The following CFAP45 variants were observed in gnomAD, a reference collection of about 807,000 sequenced individuals.
The protein encoded by CFAP45 is cilia- and flagella-associated protein 45.
CFAP45 carries 43 observed loss-of-function variants against 75.6 expected under a neutral mutation model. That is an observed-to-expected ratio of 0.57 (90% CI 0.45 to 0.73). CFAP45 has a LOEUF of 0.73. CFAP45 is among the 30% of genes least tolerant of loss of function. The pLI is 0.00. For missense variants in CFAP45, 689 were observed against 701.5 expected, an observed-to-expected ratio of 0.98 and a Z score of 0.20; for synonymous variants, 223 against 244.6, an observed-to-expected ratio of 0.91 and a Z score of 0.82.
rs1318093580 is a variant in CFAP45 at position 159,888,491 on chromosome 1, G to A, written c.278C>T (p.Pro93Leu). The change falls in exon 4 of 12, where the codon CCC (proline) becomes CTC (leucine). Residue 93 changes from proline (P) to leucine (L), a missense_variant. By Grantham distance (98) the Pro-to-Leu change is moderately conservative. Transcript: ENST00000368099. ...TRDMVRELIV[P>L]TEDPSGESLI... ...GGACTCCCCGGAGGGATCCTCTGTGGGAACACTGTCACAAGAATAAACAGA... is the reference window on the plus strand; with the variant it reads ...GGACTCCCCGGAGGGATCCTCTGTGAGAACACTGTCACAAGAATAAACAGA... The A allele has an allele frequency of 3.2e-6, 5 of 1,582,050 alleles. No homozygotes were observed. The highest frequency in any genetic ancestry group is 1.7e-5 in the Admixed American group (1 of 58,988).
At position 159,895,115 on chromosome 1, in the gene CFAP45, C is replaced by T. The variant is rs190577486; in HGVS notation, c.4-1810G>A. Among the ~76,000 whole-genome samples the T allele has an allele frequency of 7.2e-4, 109 of 152,300 alleles. 1 individual carries two copies. Among genetic ancestry groups the T allele is most frequent in the African/African-American group, 2.3e-3 (95 of 41,558 alleles). Reference sequence around the variant, plus strand: ...CTGTTGCTTGTAACTAAGAATCTGACGAACACAACCTCCATTCCCAAAGGA... The same window carrying T: ...CTGTTGCTTGTAACTAAGAATCTGATGAACACAACCTCCATTCCCAAAGGA... On this transcript the variant is annotated intron_variant, in intron 1 of 11. Coordinates refer to ENST00000368099, the MANE Select transcript of CFAP45 (RefSeq NM_012337.3).
intron 10 of CFAP45, 66 bp from the exon 11 acceptor site, chr1:159,873,234 G>A (rs888539150): frequency 7.0e-7 from 1 of 1,423,484 alleles, no homozygotes; most frequent in Non-Finnish European, 9.8e-7. Flanking sequence ...AAGGTGGTGG[G>A]GGAGCCTCCT....
chr1:159,878,417 C>T (rs755630615), intron 8 of CFAP45, among the ~76,000 whole-genome samples: 1 of 152,062 alleles, frequency 6.6e-6, no homozygotes, highest in African/African-American at 2.4e-5. Flanking sequence ...CTTGAGCAAT[C>T]GTAAGATGAA....
chr1:159,887,396 C>T (rs184463439), intron 5 of CFAP45, among the ~76,000 whole-genome samples: 1 of 152,358 alleles, frequency 6.6e-6, no homozygotes, highest in East Asian at 1.9e-4. Flanking sequence ...TCTTTAGGCT[C>T]TCAGCCAAAG....
intron 10 of CFAP45, chr1:159,876,293 T>TTATAAATAAATTTA (rs1259343625): frequency 3.7e-6 from 2 of 534,420 alleles, no homozygotes; most frequent in Non-Finnish European, 3.4e-6. Flanking sequence ...ATTTATACTT[T>TTATAAATAAATTTA]TACTGTTCCA....
intron 3 of CFAP45, among the ~76,000 whole-genome samples, chr1:159,889,535 G>A (rs537845748): frequency 5.9e-5 from 9 of 152,186 alleles, no homozygotes; most frequent in Admixed American, 3.3e-4. Context: ...GCAGTGATCC[G>A]AATCTAAGAC....
chr1:159,881,969 TCAGCC>T (rs1223714946), intron 7 of CFAP45, among the ~76,000 whole-genome samples: 1 of 152,240 alleles, frequency 6.6e-6, no homozygotes, highest in Non-Finnish European at 1.5e-5. Flanking sequence ...CAGGTCTTCC[TCAGCC>T]CAGCTGCTGC....
At chr1:159,887,438 T>C (rs1179125073) in intron 5 of CFAP45, among the ~76,000 whole-genome samples, 1 of 152,200 alleles carries the variant, frequency 6.6e-6, no homozygotes, top group Non-Finnish European at 1.5e-5. Flanking sequence ...AAGCATCCAA[T>C]TGCCTCGACC....
At position 159,876,603 on chromosome 1, in the gene CFAP45, C is replaced by G; in HGVS notation, c.1305G>C (p.Leu435=). ...CCCGGTCCCGTTGCACCTGAACAGC[C>G]AGAGCGTGCTCCTTGAAAGCCACCT... ...LEQVAFKEHA[L]AVQVQRDRDE... Residue 435 remains leucine (L), a synonymous_variant, in exon 10 of 12, where the codon CTG becomes CTC. Coordinates refer to ENST00000368099, the MANE Select transcript of CFAP45 (RefSeq NM_012337.3). 4.3e-6 allele frequency: 7 copies of G among 1,614,226 alleles called. No homozygotes were observed. Among genetic ancestry groups the G allele is most frequent in the Non-Finnish European group, 5.9e-6 (7 of 1,180,024 alleles).
At position 159,893,280 on chromosome 1, in the gene CFAP45, C is replaced by T; in HGVS notation, c.29G>A (p.Ser10Asn). The T allele has an allele frequency of 6.2e-7, 1 of 1,613,576 alleles. No individual in the cohort carries two copies. Among genetic ancestry groups the T allele is most frequent in the Non-Finnish European group, 8.5e-7 (1 of 1,179,936 alleles). Reference sequence around the variant, plus strand: ...CCTGTTGGAAGCGGCAGAAGAGGAGCTCAGGATGCCAGCTGTGCTTAGTGG... The same window carrying T: ...CCTGTTGGAAGCGGCAGAAGAGGAGTTCAGGATGCCAGCTGTGCTTAGTGG... Reference protein sequence around the residue: MPLSTAGILSSSSAASNRSR... With the variant: MPLSTAGILNSSSAASNRSR... The change falls in exon 2 of 12, where the codon AGC becomes AAC. Residue 10 changes from serine to asparagine, a missense_variant. Physicochemically the swap from Ser to Asn is conservative, Grantham distance 46. Transcript: ENST00000368099.
rs1163050562 is a variant in CFAP45, at chr1:159,884,480, G to T, written c.853C>A (p.Gln285Lys). ...AGCTGTTCCATATATTCCAGCATCT[G>T]CTCCTTCTCCTGCTCCCGCTGCTCA... The part of the protein sequence containing the change: ...LAEQREQEKE[Q>K]MLEYMEQLQE... Residue 285 changes from glutamine (Q) to lysine (K), a missense_variant, in exon 7 of 12, where the codon CAG becomes AAG. Coordinates refer to ENST00000368099, the MANE Select transcript of CFAP45 (RefSeq NM_012337.3). 1 of 1,613,668 alleles carries T rather than the reference G, an allele frequency of 6.2e-7. No homozygotes were observed. The highest frequency in any genetic ancestry group is 2.2e-5 in the East Asian group (1 of 44,894).
chr1:159,883,685 A>C (rs1438808059), intron 7 of CFAP45, among the ~76,000 whole-genome samples: 1 of 151,106 alleles, frequency 6.6e-6, no homozygotes, highest in Non-Finnish European at 1.5e-5. Context: ...CAAGCAACTA[A>C]GGTAAATGAT....
chr1:159,896,450 C>T (rs1237108099), intron 1 of CFAP45, among the ~76,000 whole-genome samples: 1 of 152,104 alleles, frequency 6.6e-6, no homozygotes, highest in Non-Finnish European at 1.5e-5. Flanking sequence ...AACAGTTTTG[C>T]CAAGAGTAAC....
chr1:159,889,197 A>G (rs775375670), intron 3 of CFAP45, among the ~76,000 whole-genome samples: 3 of 151,924 alleles, frequency 2.0e-5, no homozygotes, highest in Non-Finnish European at 2.9e-5. Context: ...CTTTCTAGCT[A>G]TCCAACGCAT....
intron 6 of CFAP45, among the ~76,000 whole-genome samples, chr1:159,885,460 G>A (rs1333775293): frequency 6.6e-6 from 1 of 152,198 alleles, no homozygotes; most frequent in Non-Finnish European, 1.5e-5. Context: ...AGATAAAACT[G>A]CCATTCAGTG....
intron 7 of CFAP45, among the ~76,000 whole-genome samples, chr1:159,881,317 T>C (rs1270108665): frequency 6.6e-6 from 1 of 152,212 alleles, no homozygotes; most frequent in Non-Finnish European, 1.5e-5. Context: ...TTGAAACCTG[T>C]TCTGTCTAAA....
chr1:159,876,687 C>T lies in CFAP45; in HGVS notation c.1221G>A (p.Lys407=), dbSNP rs1370396254. ...VADREWRRKE[K]ENARKKMETE... is the part of the protein sequence containing the mutation. ...TTTCCATCTTCTTCCGCGCATTTTC[C>T]TTTTCCTTTCTGCGCCACTCTCTGT... is the stretch of plus-strand genomic sequence containing the variant. Residue 407 remains lysine, a synonymous_variant, in exon 10 of 12, where the codon AAG becomes AAA. Transcript: ENST00000368099. 6.2e-7 allele frequency: 1 copy of T among 1,614,194 alleles called. No homozygotes were observed. Among genetic ancestry groups the T allele is most frequent in the Non-Finnish European group, 8.5e-7 (1 of 1,180,028 alleles).
chr1:159,876,890 TAGGAAA>T, intron 9 of CFAP45, 141 bp from the exon 10 acceptor site: 5 of 803,188 alleles, frequency 6.2e-6, no homozygotes, highest in Non-Finnish European at 1.0e-5. Context: ...CTAGTTATTC[TAGGAAA>T]AGATAAATGG....
intron 8 of CFAP45, among the ~76,000 whole-genome samples, chr1:159,878,539 C>T (rs182397484): frequency 1.1e-4 from 17 of 151,482 alleles, no homozygotes; most frequent in African/African-American, 3.1e-4. Flanking sequence ...CAGATCATGA[C>T]GTAAAGAGAT....
Sources: gnomAD v4.1 joint callset for allele counts (sites outside exome capture counted in the v4.1 genomes callset) on GRCh38, gnomAD v4.1.1 for gene constraint, MANE v1.5 for transcripts, NCBI Gene and HGNC (gene_info 2026-07-23, HGNC 2026-07-21) for gene names.